The following SPTBN4 variants were observed in gnomAD, a reference collection of about 807,000 sequenced individuals.
SPTBN4 encodes spectrin beta, non-erythrocytic 4, also known as spectrin beta chain, non-erythrocytic 4.
SPTBN4 carries 96 observed loss-of-function variants against 277.8 expected under a neutral mutation model. The ratio of observed to expected loss-of-function variants is 0.35; its 90% CI spans 0.29 to 0.41. The LOEUF (loss-of-function observed/expected upper bound fraction) is 0.41. SPTBN4 is among the 10% of genes least tolerant of loss of function. The pLI is 1.00. For synonymous variants in SPTBN4, 1,481 were observed against 1,580.3 expected (o/e 0.94, Z 1.49); for missense variants, 3,006 against 3,595.7 (o/e 0.84, Z 4.19).
chr19:40,560,088 G>A lies in SPTBN4; in HGVS notation c.5671-71G>A. 1 of 1,495,398 alleles carries A rather than the reference G, an allele frequency of 6.7e-7. No homozygotes were observed. Among genetic ancestry groups the A allele is most frequent in the Non-Finnish European group, 8.9e-7 (1 of 1,127,636 alleles). 92.6% of individuals were successfully genotyped at this position (1,495,398 alleles called of 1,614,324 possible). A position where few individuals can be genotyped will look rare whatever the true frequency, so the allele number is the denominator to read the frequency against. On this transcript the variant is annotated intron_variant, in intron 26 of 35. Transcript: ENST00000598249. The surrounding 1 kb of genome is among the most constrained non-coding windows in gnomAD (Gnocchi z 5.2). ...TTATATCTTGAGGTTCTGCGCTGGA[G>A]CAGATGGTGGGAGGGAGGGCACAGC...
At position 40,575,520 on chromosome 19, in the gene SPTBN4, A is replaced by G; in HGVS notation, c.7646A>G (p.Asn2549Ser). The change falls in exon 36 of 36, where the codon AAC becomes AGC. Residue 2549 changes from asparagine (N) to serine (S), a missense_variant. Asn to Ser is a conservative substitution (Grantham distance 46). Around this residue, in one of 5 missense-constraint regions of SPTBN4, gnomAD observed 630 missense variants for 677.6 expected, o/e 0.93. Transcript: ENST00000598249. ...LPTTSSTDEG[N>S]PKREGGDRRA... Reference sequence around the variant, plus strand: ...ACTACTTCATCCACAGATGAGGGCAACCCTAAGAGGGAAGGCGGAGATCGC... The same window carrying G: ...ACTACTTCATCCACAGATGAGGGCAGCCCTAAGAGGGAAGGCGGAGATCGC... 1.2e-6 allele frequency: 2 copies of G among 1,613,100 alleles called. No homozygotes were observed. The highest frequency in any genetic ancestry group is 2.7e-5 in the African/African-American group (2 of 75,000).
intron 4 of SPTBN4, 148 bp from the exon 5 acceptor site, chr19:40,492,815 A>T: frequency 1.6e-6 from 1 of 615,348 alleles, no homozygotes; most frequent in Non-Finnish European, 2.9e-6. Context: ...AATTATCCTC[A>T]CACTCCTGGA....
rs115159329 is a variant in SPTBN4 at position 40,513,836 on chromosome 19, G to A, written c.2765+282G>A. On this transcript the variant is annotated intron_variant, in intron 14 of 35. Transcript: ENST00000598249. The stretch of plus-strand genomic sequence containing the variant: ...ACGAAGCAAATGCCTGGGGGTAGAG[G>A]AAGCATTCCCCCAGCATTTGCTCTT... Among the ~76,000 whole-genome samples, 312 of 152,246 alleles carry A rather than the reference G, an allele frequency of 2.0e-3. 2 individuals are homozygous for A. Among genetic ancestry groups the A allele is most frequent in the African/African-American group, 7.4e-3 (307 of 41,538 alleles).
Position 40,568,080 on chromosome 19 carries a change from C to T in SPTBN4, c.6754C>T (p.Gln2252Ter). Residue 2252 changes from glutamine to a stop codon, truncating the protein, a stop_gained, in exon 31 of 36, where the codon CAA becomes TAA. Coordinates refer to ENST00000598249, the MANE Select transcript of SPTBN4 (RefSeq NM_020971.3). LOFTEE classifies it high-confidence loss of function. ...ELPRRRRPER[Q>*]ESVDQSEEAA... ...GCCCAGGAGGCGGCGGCCTGAGCGG[C>T]AAGAGTCAGTCGATCAATCCGAGGA... 1 of 1,563,714 alleles carries T rather than the reference C, an allele frequency of 6.4e-7. No individual in the cohort carries two copies.
chr19:40,468,017 T>C (rs2079845719), intron 1 of SPTBN4, among the ~76,000 whole-genome samples: 1 of 151,982 alleles, frequency 6.6e-6, no homozygotes, highest in South Asian at 2.1e-4. Context: ...CCAGATACCA[T>C]GATCCCTGCA....
At chr19:40,485,779 C>T (rs904509649) in intron 2 of SPTBN4, among the ~76,000 whole-genome samples, 1 of 151,768 alleles carries the variant, frequency 6.6e-6, no homozygotes, top group African/African-American at 2.4e-5. Flanking sequence ...GCACTCAAGC[C>T]TAGGCGGCAG....
At chr19:40,497,086 A>T (rs112935622) in intron 6 of SPTBN4, among the ~76,000 whole-genome samples, 26,501 of 149,912 alleles carry the variant, frequency 0.18, 2,732 homozygotes, top group Non-Finnish European at 0.23. Context: ...AAAAAAAAAA[A>T]AAAAAAAAAG....
At chr19:40,569,936 C>CA (rs2081133937) in intron 32 of SPTBN4, among the ~76,000 whole-genome samples, 3 of 131,470 alleles carry the variant, frequency 2.3e-5, no homozygotes, top group South Asian at 2.5e-4. Context: ...TACTGCCCCT[C>CA]CACACACACA....
At position 40,482,353 on chromosome 19, in the gene SPTBN4, G is replaced by A. The variant is rs181566474; in HGVS notation, c.170-5344G>A. On this transcript the variant is annotated intron_variant, in intron 2 of 35. Transcript: ENST00000598249. ...CCCAAAGTGCTGGGATAATGGGCAT[G>A]AGCCACCATGCCTGGCCTGATTTTT... Among the ~76,000 whole-genome samples, 4 of 152,288 alleles carry A rather than the reference G, an allele frequency of 2.6e-5. No individual in the cohort carries two copies. In the East Asian group the frequency reaches 7.7e-4, roughly 29 times the overall value.
In SPTBN4 at chr19:40,493,179, C is replaced by T. The variant is rs564121487; in HGVS notation, c.587+125C>T. The T allele has an allele frequency of 1.6e-4, 118 of 733,160 alleles. No homozygotes were observed. The African/African-American group carries it at 2.0e-3, about 12-fold the overall frequency. The allele number at this position is 733,160 out of a possible 1,614,324, so 45.4% of individuals were successfully genotyped here. A position where few individuals can be genotyped will look rare whatever the true frequency, so the allele number is the denominator to read the frequency against. The stretch of plus-strand genomic sequence containing the variant: ...CAGGGTCAAAAAGTTACATCTGAAA[C>T]TAACCAGCTGGTAAATAAAATATGT... On this transcript the variant is annotated intron_variant, in intron 5 of 35. Transcript: ENST00000598249.
rs772422042 is a variant in SPTBN4, at chr19:40,534,143, G to A, written c.4159G>A (p.Glu1387Lys). ...LAASVRKKLG[E>K]IRQCWAELES... is the part of the protein sequence containing the mutation. ...GGCCTCCGTGCGGAAGAAGCTGGGC[G>A]AGATCCGCCAGTGCTGGGCGGAGCT... The change falls in exon 20 of 36, where the codon GAG becomes AAG. Residue 1387 changes from glutamate (E) to lysine (K), a missense_variant. By Grantham distance (56) the Glu-to-Lys change is moderately conservative (BLOSUM62 1). Coordinates refer to ENST00000598249, the MANE Select transcript of SPTBN4 (RefSeq NM_020971.3). The A allele has an allele frequency of 3.7e-6, 6 of 1,612,458 alleles. No homozygotes were observed. Among genetic ancestry groups the A allele is most frequent in the South Asian group, 1.1e-5 (1 of 90,832 alleles).
At chr19:40,522,224 C>T (rs1393382954) in intron 16 of SPTBN4, among the ~76,000 whole-genome samples, 1 of 150,500 alleles carries the variant, frequency 6.6e-6, no homozygotes, top group Non-Finnish European at 1.5e-5. Flanking sequence ...GATGGGATTT[C>T]ACCATGTTGC....
chr19:40,511,158 C>A (rs945963635), intron 13 of SPTBN4, among the ~76,000 whole-genome samples: 1 of 152,118 alleles, frequency 6.6e-6, no homozygotes, highest in African/African-American at 2.4e-5. Context: ...GTAATCCCAG[C>A]ATTTTAGGAG....
Position 40,554,712 on chromosome 19 carries a change from T to C in SPTBN4, c.5084+66T>C. 6.4e-7 allele frequency: 1 copy of C among 1,559,394 alleles called. No individual in the cohort carries two copies. The highest frequency in any genetic ancestry group is 8.7e-7 in the Non-Finnish European group (1 of 1,152,722). ...GGACCTGAAGCTTCGCTGTTGGGAGTTGGCGCAGCGCTGGAATTGGACGTT... is the reference window on the plus strand; with the variant it reads ...GGACCTGAAGCTTCGCTGTTGGGAGCTGGCGCAGCGCTGGAATTGGACGTT... On this transcript the variant is annotated intron_variant, in intron 24 of 35. Coordinates refer to ENST00000598249, the MANE Select transcript of SPTBN4 (RefSeq NM_020971.3). This position sits in a 1 kb window ranked among gnomAD's most constrained non-coding sequence, Gnocchi z 5.7.
chr19:40,480,244 T>A (rs1189944198), intron 2 of SPTBN4, among the ~76,000 whole-genome samples: 1 of 118,512 alleles, frequency 8.4e-6, no homozygotes. Flanking sequence ...AGAGAGAGAC[T>A]CCGTCTCAAA....
At chr19:40,503,517 C>A (rs571233890) in intron 11 of SPTBN4, among the ~76,000 whole-genome samples, 29 of 148,070 alleles carry the variant, frequency 2.0e-4, no homozygotes, top group African/African-American at 6.8e-4. Flanking sequence ...TCCAGGACAA[C>A]AGGGGAGGGT....
intron 2 of SPTBN4, among the ~76,000 whole-genome samples, chr19:40,480,507 T>C (rs1200612333): frequency 6.6e-6 from 1 of 152,160 alleles, no homozygotes; most frequent in Admixed American, 6.6e-5. Flanking sequence ...AAGGGTGTAC[T>C]CTCTTAACTT....
At chr19:40,481,157 C>T (rs910459447) in intron 2 of SPTBN4, among the ~76,000 whole-genome samples, 1 of 152,140 alleles carries the variant, frequency 6.6e-6, no homozygotes, top group Non-Finnish European at 1.5e-5. Context: ...GTGGTTTACA[C>T]CCACGCAGGA....
intron 16 of SPTBN4, among the ~76,000 whole-genome samples, chr19:40,522,890 G>A (rs546894305): frequency 1.9e-4 from 29 of 152,030 alleles, no homozygotes; most frequent in African/African-American, 6.7e-4. Context: ...CCAGCACTTC[G>A]GGAGTCCAAG....
Sources: allele counts gnomAD v4.1 joint callset (sites outside exome capture counted in the v4.1 genomes callset), GRCh38; gene constraint gnomAD v4.1.1; regional missense constraint gnomAD v4.1.1; non-coding constraint Gnocchi (gnomAD v3.1); transcripts MANE v1.5; gene names NCBI Gene and HGNC (gene_info 2026-07-23, HGNC 2026-07-21).